IQCH: variants seen among roughly 807,000 people sequenced by gnomAD.
IQCH encodes IQ domain-containing protein H.
IQCH carries 98 observed loss-of-function variants against 117.0 expected under a neutral mutation model. The ratio of observed to expected loss-of-function variants is 0.84; its 90% CI spans 0.71 to 0.99. The LOEUF (loss-of-function observed/expected upper bound fraction) is 0.99, where lower values mean the gene tolerates loss of function less well. IQCH is among the 50% of genes least tolerant of loss of function. IQCH has a pLI of 0.00. For missense variants in IQCH, 1,102 were observed against 1,243.8 expected (o/e 0.89, Z 1.72); for synonymous variants, 412 against 448.2 (o/e 0.92, Z 1.02).
intron 4 of IQCH, among the ~76,000 whole-genome samples, chr15:67,289,683 G>A (rs1007017559): frequency 1.2e-4 from 18 of 152,130 alleles, no homozygotes; most frequent in African/African-American, 4.1e-4. Context: ...CCTACACGTA[G>A]TATGGAGGTC....
intron 19 of IQCH, among the ~76,000 whole-genome samples, chr15:67,492,344 G>A (rs1393673269): frequency 6.6e-6 from 1 of 152,116 alleles, no homozygotes; most frequent in Non-Finnish European, 1.5e-5. Flanking sequence ...TAACTACAAA[G>A]GAGAAGCTGG....
In IQCH at chr15:67,417,736, C is replaced by T. The variant is rs1308340733; in HGVS notation, c.2218+685C>T. The stretch of plus-strand genomic sequence containing the variant: ...TCAGAGGTCCCTGTCAGATGTTACA[C>T]AGAGGCACACCTATGCAACGGCCCT... On this transcript the variant is annotated intron_variant, in intron 15 of 20. Coordinates refer to ENST00000335894, the MANE Select transcript of IQCH (RefSeq NM_001031715.3). The surrounding 1 kb of genome is among the most constrained non-coding windows in gnomAD (Gnocchi z 4.3). Among the ~76,000 whole-genome samples the T allele has an allele frequency of 6.6e-6, 1 of 152,134 alleles. No homozygotes were observed. Among genetic ancestry groups the T allele is most frequent in the African/African-American group, 2.4e-5 (1 of 41,424 alleles).
chr15:67,389,975 A>G (rs1272018659), intron 12 of IQCH, among the ~76,000 whole-genome samples: 1 of 152,168 alleles, frequency 6.6e-6, no homozygotes, highest in Non-Finnish European at 1.5e-5. Flanking sequence ...TACTCAGTCA[A>G]TTGTTGTCAG....
rs1043024185 is a variant in IQCH at position 67,391,299 on chromosome 15, C to T, written c.1632+2293C>T. 1.3e-5 allele frequency among the ~76,000 whole-genome samples: 2 copies of T among 152,148 alleles called. No homozygotes were observed. Among genetic ancestry groups the T allele is most frequent in the Non-Finnish European group, 2.9e-5 (2 of 68,002 alleles). On this transcript the variant is annotated intron_variant, in intron 12 of 20. Coordinates refer to ENST00000335894, the MANE Select transcript of IQCH (RefSeq NM_001031715.3). This position sits in a 1 kb window ranked among gnomAD's most constrained non-coding sequence, Gnocchi z 4.3. ...ATAAGCAATCAACTTTTTAAAAATA[C>T]AAAAATTAAATTCTCACTTTCAAAT...
chr15:67,396,974 T>C (rs183313075), intron 13 of IQCH, among the ~76,000 whole-genome samples: 3 of 152,364 alleles, frequency 2.0e-5, no homozygotes, highest in Admixed American at 2.0e-4. Flanking sequence ...CAGGCAATTT[T>C]AGTAGGAGTG....
At chr15:67,371,610 A>G in intron 8 of IQCH, 2 of 873,226 alleles carry the variant, frequency 2.3e-6, no homozygotes, top group Middle Eastern at 2.5e-4. Context: ...GAACTATAAA[A>G]TGCTAAAAAG....
chr15:67,306,848 A>G (rs1407866679), intron 4 of IQCH: 1 of 1,533,838 alleles, frequency 6.5e-7, no homozygotes, highest in African/African-American at 1.4e-5. Context: ...GGTATGTGGA[A>G]ACAAGAAGAA....
intron 3 of IQCH, among the ~76,000 whole-genome samples, chr15:67,274,257 A>G (rs1036878894): frequency 3.9e-5 from 6 of 151,900 alleles, no homozygotes; most frequent in Admixed American, 6.6e-5. Context: ...TAAGCTTTCT[A>G]CCCCTTACTC....
chr15:67,423,069 C>T (rs1226610073), intron 16 of IQCH, among the ~76,000 whole-genome samples: 1 of 152,160 alleles, frequency 6.6e-6, no homozygotes, highest in African/African-American at 2.4e-5. Context: ...AATCATTTTC[C>T]ATTTGCCTTC....
rs1241909694 is a variant in IQCH, at chr15:67,456,945, C to T, written c.2506-8182C>T. ...AGCTCTAGTTGCTCAAAGATAGCTT[C>T]GTGGAGCTGTGATTTAAGTCATGCC... is the stretch of plus-strand genomic sequence containing the variant. On this transcript the variant is annotated intron_variant, in intron 16 of 20. Coordinates refer to ENST00000335894, the MANE Select transcript of IQCH (RefSeq NM_001031715.3). The surrounding 1 kb of genome is among the most constrained non-coding windows in gnomAD (Gnocchi z 5.1). 1.3e-5 allele frequency among the ~76,000 whole-genome samples: 2 copies of T among 152,094 alleles called. No homozygotes were observed. Among genetic ancestry groups the T allele is most frequent in the Non-Finnish European group, 2.9e-5 (2 of 68,018 alleles).
At position 67,426,982 on chromosome 15, in the gene IQCH, C is replaced by CA. The variant is rs1035804772; in HGVS notation, c.2505+5417dup. 5.5e-3 allele frequency among the ~76,000 whole-genome samples: 691 copies of CA among 126,338 alleles called. 4 individuals carry two copies. Among genetic ancestry groups the CA allele is most frequent in the African/African-American group, 0.016 (535 of 34,062 alleles). The allele number at this position is 126,338 out of a possible 152,430, so 82.9% of individuals were successfully genotyped here. A position where few individuals can be genotyped will look rare whatever the true frequency, so the allele number is the denominator to read the frequency against. ...GCCTGGGCAACAGAGACCCAGTATCCAAAAAAAAAAAAGAAGAAGAAAATC... is the reference window on the plus strand; with the variant it reads ...GCCTGGGCAACAGAGACCCAGTATCCAAAAAAAAAAAAAGAAGAAGAAAATC... On this transcript the variant is annotated intron_variant, in intron 16 of 20. Coordinates refer to ENST00000335894, the MANE Select transcript of IQCH (RefSeq NM_001031715.3). This position sits in a 1 kb window ranked among gnomAD's most constrained non-coding sequence, Gnocchi z 5.1.
intron 20 of IQCH, among the ~76,000 whole-genome samples, chr15:67,499,297 C>CAAAAAAAAAAAAAAAAAAAA (rs59618730): frequency 6.1e-5 from 3 of 49,148 alleles, no homozygotes; most frequent in African/African-American, 1.7e-4. Context: ...AGACCTGTCC[C>CAAAAAAAAAAAAAAAAAAAA]AAAAAAAAAA....
At chr15:67,353,302 C>CA (rs1435682571) in intron 6 of IQCH, among the ~76,000 whole-genome samples, 1 of 150,778 alleles carries the variant, frequency 6.6e-6, no homozygotes, top group Non-Finnish European at 1.5e-5. Flanking sequence ...AAAGTAAAAA[C>CA]AAAAATGACC....
In IQCH at chr15:67,376,143, G is replaced by C. The variant is rs1336617317; in HGVS notation, c.1372+2710G>C. Among the ~76,000 whole-genome samples, 1 of 152,084 alleles carries C rather than the reference G, an allele frequency of 6.6e-6. No individual in the cohort carries two copies. Among genetic ancestry groups the C allele is most frequent in the Non-Finnish European group, 1.5e-5 (1 of 68,010 alleles). On this transcript the variant is annotated intron_variant, in intron 10 of 20. Transcript: ENST00000335894. The surrounding 1 kb of genome is among the most constrained non-coding windows in gnomAD (Gnocchi z 5.0). ...ACATTAAATTAAGTAACAACAAGCTGTCATCTCCTACCTATTCCACAGATA... is the reference window on the plus strand; with the variant it reads ...ACATTAAATTAAGTAACAACAAGCTCTCATCTCCTACCTATTCCACAGATA...
rs2082622751 is a variant in IQCH, at chr15:67,454,839, T to C, written c.2506-10288T>C. Among the ~76,000 whole-genome samples, 1 of 152,260 alleles carries C rather than the reference T, an allele frequency of 6.6e-6. No individual in the cohort carries two copies. Among genetic ancestry groups the C allele is most frequent in the Non-Finnish European group, 1.5e-5 (1 of 68,046 alleles). ...ATTTGGGTTGTGTCCACTTTTTGAC[T>C]GTTATGAATAATGTTGCAATGGACA... is the stretch of plus-strand genomic sequence containing the variant. On this transcript the variant is annotated intron_variant, in intron 16 of 20. Transcript: ENST00000335894. This position sits in a 1 kb window ranked among gnomAD's most constrained non-coding sequence, Gnocchi z 5.2.
At chr15:67,444,113 C>T (rs1030302427) in intron 16 of IQCH, among the ~76,000 whole-genome samples, 6 of 152,174 alleles carry the variant, frequency 3.9e-5, no homozygotes, top group African/African-American at 9.7e-5. Flanking sequence ...CCAAAGAAAA[C>T]GTATGTTTCT....
intron 4 of IQCH, among the ~76,000 whole-genome samples, chr15:67,289,485 A>G (rs917273843): frequency 1.3e-5 from 2 of 152,148 alleles, no homozygotes; most frequent in Non-Finnish European, 2.9e-5. Context: ...ATAACCCACA[A>G]GTATCCAGCT....
intron 16 of IQCH, among the ~76,000 whole-genome samples, chr15:67,442,562 C>T (rs1053355535): frequency 3.3e-5 from 5 of 152,068 alleles, no homozygotes; most frequent in Non-Finnish European, 5.9e-5. Context: ...TTACAGGGAA[C>T]GCTTCTACAC....
Position 67,467,332 on chromosome 15 carries a change from T to C in IQCH, c.2676+2035T>C, listed in dbSNP as rs950439137. On this transcript the variant is annotated intron_variant, in intron 17 of 20. Coordinates refer to ENST00000335894, the MANE Select transcript of IQCH (RefSeq NM_001031715.3). The surrounding 1 kb of genome is among the most constrained non-coding windows in gnomAD (Gnocchi z 5.7). ...TGCTTCAGAAGGCTATCAGCAGAAG[T>C]TGTGCTTTGAGTGAGAAGCACTCTT... 6.6e-6 allele frequency among the ~76,000 whole-genome samples: 1 copy of C among 152,244 alleles called. No individual in the cohort carries two copies. The highest frequency in any genetic ancestry group is 6.5e-5 in the Admixed American group (1 of 15,282).
Sources: allele counts gnomAD v4.1 joint callset (sites outside exome capture counted in the v4.1 genomes callset), GRCh38; gene constraint gnomAD v4.1.1; non-coding constraint Gnocchi (gnomAD v3.1); transcripts MANE v1.5; gene names NCBI Gene and HGNC (gene_info 2026-07-23, HGNC 2026-07-21).